The following KCNK2 variants were observed in gnomAD, a reference collection of about 807,000 sequenced individuals.
KCNK2 encodes the protein potassium channel subfamily K member 2.
A neutral mutation model predicts 40.5 loss-of-function variants in KCNK2; 21 were observed. The observed-to-expected ratio is 0.52, with a 90% confidence interval of 0.37 to 0.75. The LOEUF is 0.75. KCNK2 is among the 30% of genes least tolerant of loss of function. KCNK2 has a pLI of 0.00. For missense variants in KCNK2, 399 were observed against 531.6 expected (o/e 0.75, Z 2.45); for synonymous variants, 191 against 202.2 (o/e 0.94, Z 0.47).
chr1:215,086,321 C>T, intron 1 of KCNK2, 47 bp from the exon 2 acceptor site: 1 of 1,476,240 alleles, frequency 6.8e-7, no homozygotes, highest in Non-Finnish European at 9.4e-7. Context: ...CCGACCAATT[C>T]CCTTCTCATC....
At chr1:215,124,793 G>A in intron 3 of KCNK2, 43 bp downstream of exon 3, 3 of 1,151,222 alleles carry the variant, frequency 2.6e-6, no homozygotes, top group Non-Finnish European at 3.9e-6. Flanking sequence ...GATACCGTTT[G>A]TGAGCTAAAA....
At chr1:215,066,654 C>T (rs949753546) in intron 1 of KCNK2, among the ~76,000 whole-genome samples, 4 of 152,076 alleles carry the variant, frequency 2.6e-5, no homozygotes, top group African/African-American at 9.7e-5. Flanking sequence ...TTTTTGCTTC[C>T]ATGCAATAGT....
chr1:215,029,337 T>C (rs984628328), intron 1 of KCNK2, among the ~76,000 whole-genome samples: 31 of 151,796 alleles, frequency 2.0e-4, no homozygotes, highest in Non-Finnish European at 3.4e-4. Flanking sequence ...CCCATAGTTT[T>C]GCCTTTTCGA....
chr1:215,029,213 G>A (rs893271468), intron 1 of KCNK2, among the ~76,000 whole-genome samples: 2 of 151,856 alleles, frequency 1.3e-5, no homozygotes, highest in Non-Finnish European at 2.9e-5. Flanking sequence ...AAATCCACCA[G>A]CATAGTAATC....
chr1:215,162,034 G>C (rs1663222016), intron 3 of KCNK2, among the ~76,000 whole-genome samples: 2 of 152,096 alleles, frequency 1.3e-5, no homozygotes, highest in African/African-American at 4.8e-5. Context: ...CTAATTTACA[G>C]TACCAACAAG....
chr1:215,123,542 G>A (rs1240224403), intron 2 of KCNK2, among the ~76,000 whole-genome samples: 1 of 152,098 alleles, frequency 6.6e-6, no homozygotes, highest in Non-Finnish European at 1.5e-5. Context: ...GTTCTGAAAT[G>A]AGATTTTGTA....
In KCNK2 at chr1:215,221,639, G is replaced by A. The variant is rs183055312; in HGVS notation, c.964-13189G>A. Among the ~76,000 whole-genome samples the A allele has an allele frequency of 3.9e-5, 6 of 152,210 alleles. No individual in the cohort carries two copies. The East Asian group carries it at 5.8e-4, about 15-fold the overall frequency. On this transcript the variant is annotated intron_variant, in intron 6 of 6. Transcript: ENST00000444842. ...TCTTCATGTTAAGTAGACTTAGTAG[G>A]AGGTGGGGGAAAGGGAGGGGGTGGT...
Position 215,076,085 on chromosome 1 carries a change from C to T in KCNK2, c.35-10283C>T, listed in dbSNP as rs187848501. Among the ~76,000 whole-genome samples, 5 of 152,310 alleles carry T rather than the reference C, an allele frequency of 3.3e-5. No homozygotes were observed. The East Asian group carries it at 9.6e-4, about 29-fold the overall frequency. On this transcript the variant is annotated intron_variant, in intron 1 of 6. Transcript: ENST00000391895. ...CATTGCTAACATTTACCTCTTCGCT[C>T]CCTTTTCCATTCTTCCAGTGATGTC...
chr1:215,204,802 G>T (rs1306803033), intron 6 of KCNK2, among the ~76,000 whole-genome samples: 1 of 152,184 alleles, frequency 6.6e-6, no homozygotes, highest in Non-Finnish European at 1.5e-5. Context: ...GATTGGTTGG[G>T]ACTGAGAGTA....
At chr1:215,164,222 A>G (rs1418169827) in intron 3 of KCNK2, among the ~76,000 whole-genome samples, 1 of 152,120 alleles carries the variant, frequency 6.6e-6, no homozygotes, top group Admixed American at 6.6e-5. Context: ...TGTTTATAGT[A>G]TTCTCTGATG....
intron 5 of KCNK2, among the ~76,000 whole-genome samples, chr1:215,180,238 C>G (rs1487523612): frequency 1.3e-5 from 2 of 152,000 alleles, no homozygotes; most frequent in Non-Finnish European, 2.9e-5. Context: ...TTTCTTTGAG[C>G]CTAAGGATGT....
At chr1:215,229,509 A>G (rs80233670) in intron 6 of KCNK2, among the ~76,000 whole-genome samples, 1 of 151,836 alleles carries the variant, frequency 6.6e-6, no homozygotes, top group South Asian at 2.1e-4. Context: ...ACAAAAAATT[A>G]AAAAAATTAG....
intron 1 of KCNK2, among the ~76,000 whole-genome samples, chr1:215,009,850 T>C (rs1656316052): frequency 6.6e-6 from 1 of 152,152 alleles, no homozygotes; most frequent in South Asian, 2.1e-4. Context: ...TATAAGTATA[T>C]CCCAGACACT....
intron 2 of KCNK2, among the ~76,000 whole-genome samples, chr1:215,100,317 C>A (rs886203220): frequency 2.0e-5 from 3 of 151,854 alleles, no homozygotes; most frequent in Non-Finnish European, 4.4e-5. Context: ...AGGAGAAGCA[C>A]AATTATTAGA....
intron 1 of KCNK2, among the ~76,000 whole-genome samples, chr1:215,035,876 G>T (rs1235260933): frequency 1.3e-5 from 2 of 151,872 alleles, no homozygotes; most frequent in Non-Finnish European, 1.5e-5. Context: ...AGTTTCTATT[G>T]CTCTGCATCT....
At chr1:215,191,584 C>T (rs1664669554) in intron 5 of KCNK2, among the ~76,000 whole-genome samples, 3 of 152,036 alleles carry the variant, frequency 2.0e-5, no homozygotes, top group African/African-American at 7.2e-5. Flanking sequence ...AGAGATTACA[C>T]CATCTAAAAG....
At chr1:215,052,185 C>G (rs983821782) in intron 1 of KCNK2, among the ~76,000 whole-genome samples, 2 of 151,880 alleles carry the variant, frequency 1.3e-5, no homozygotes, top group African/African-American at 4.8e-5. Context: ...AAAATTAACA[C>G]AGGGTGAAAC....
At chr1:215,180,014 A>G (rs1664159770) in intron 5 of KCNK2, among the ~76,000 whole-genome samples, 1 of 151,302 alleles carries the variant, frequency 6.6e-6, no homozygotes, top group Admixed American at 6.6e-5. Flanking sequence ...GATCTGGAAG[A>G]GCCTGTTTTA....
intron 1 of KCNK2, among the ~76,000 whole-genome samples, chr1:215,054,597 C>A (rs1281113686): frequency 1.3e-5 from 2 of 152,186 alleles, no homozygotes; most frequent in Non-Finnish European, 2.9e-5. Flanking sequence ...AAAGCACCAA[C>A]CGTGAGTTAC....
Sources: gnomAD v4.1 joint callset for allele counts (sites outside exome capture counted in the v4.1 genomes callset) on GRCh38, gnomAD v4.1.1 for gene constraint, MANE v1.5 for transcripts, NCBI Gene and HGNC (gene_info 2026-07-23, HGNC 2026-07-21) for gene names.